The following EP300 variants were observed in gnomAD, a reference collection of about 807,000 sequenced individuals.
The protein encoded by EP300 is EP300 lysine acetyltransferase, also known as histone acetyltransferase p300.
In EP300, 31 loss-of-function variants were observed where a neutral mutation model predicts 264.0. The ratio of observed to expected loss-of-function variants is 0.12; its 90% CI spans 0.09 to 0.16. The LOEUF (loss-of-function observed/expected upper bound fraction) is 0.16. Ranked by LOEUF, EP300 falls within the 10% of genes least tolerant of loss-of-function variation. The pLI, the probability that EP300 is intolerant of heterozygous loss-of-function variation, is 1.00. For synonymous variants in EP300, 1,340 were observed against 1,045.4 expected, an observed-to-expected ratio of 1.28 and a Z score of -5.44; for missense variants, 2,766 against 3,052.9, an observed-to-expected ratio of 0.91 and a Z score of 2.21.
intron 6 of EP300, among the ~76,000 whole-genome samples, chr22:41,133,528 C>T (rs1477917654): frequency 2.0e-5 from 3 of 152,168 alleles, no homozygotes; most frequent in South Asian, 2.1e-4. Flanking sequence ...AGATTTTTTT[C>T]GGAGTTTGGA....
At chr22:41,153,446 T>G (rs538405593) in intron 16 of EP300, among the ~76,000 whole-genome samples, 2 of 152,294 alleles carry the variant, frequency 1.3e-5, no homozygotes, top group Admixed American at 1.3e-4. Flanking sequence ...ACAAACCCAG[T>G]CTTACTATTG....
Position 41,178,025 on chromosome 22 carries a change from G to T in EP300, c.6314G>T (p.Gly2105Val), listed in dbSNP as rs1001115554. ...CCACAACCCATCCCTGGGCAGCCTG[G>T]CATGCCCCAGGGGCAGCCAGGGCTA... is the stretch of plus-strand genomic sequence containing the variant. ...SNPQPIPGQP[G>V]MPQGQPGLQP... Residue 2105 changes from glycine (G) to valine (V), a missense_variant, in exon 31 of 31, where the codon GGC becomes GTC. By Grantham distance (109) the Gly-to-Val change is moderately radical (BLOSUM62 -3). Coordinates refer to ENST00000263253, the MANE Select transcript of EP300 (RefSeq NM_001429.4). The T allele has an allele frequency of 1.2e-6, 2 of 1,614,048 alleles. No individual in the cohort carries two copies. Among genetic ancestry groups the T allele is most frequent in the Non-Finnish European group, 1.7e-6 (2 of 1,179,976 alleles).
rs1332117595 is a variant in EP300, at chr22:41,141,206, A to G, written c.2037A>G (p.Gln679=). Residue 679 remains glutamine (Q), a synonymous_variant, in exon 10 of 31, where the codon CAA becomes CAG. Transcript: ENST00000263253. ...MNPGPNMGQP[Q]PGMTSNGPLP... Reference sequence around the variant, plus strand: ...CAGGGCCTAACATGGGACAGCCGCAACCAGGAATGACTTCTAGTAAGTGGT... The same window carrying G: ...CAGGGCCTAACATGGGACAGCCGCAGCCAGGAATGACTTCTAGTAAGTGGT... 6.2e-7 allele frequency: 1 copy of G among 1,614,160 alleles called. No individual in the cohort carries two copies. The highest frequency in any genetic ancestry group is 1.1e-5 in the South Asian group (1 of 91,074).
rs369351115 is a variant in EP300 at position 41,127,858 on chromosome 22, TGTG to T, written c.1168+114_1168+116del. Reference sequence around the variant, plus strand: ...TGATGGATATGTTTAATACCTTAATTGTGGTGATGGTGTCTGTATGTACAAAGT... The same window carrying T: ...TGATGGATATGTTTAATACCTTAATTGTGATGGTGTCTGTATGTACAAAGT... On this transcript the variant is annotated intron_variant, in intron 4 of 30. Coordinates refer to ENST00000263253, the MANE Select transcript of EP300 (RefSeq NM_001429.4). The T allele has an allele frequency of 2.1e-3, 2,849 of 1,378,360 alleles. 68 individuals carry two copies. The South Asian group carries it at 0.033, about 16-fold the overall frequency. 85.4% of individuals were successfully genotyped at this position (1,378,360 alleles called of 1,614,324 possible). A position where few individuals can be genotyped will look rare whatever the true frequency, so the allele number is the denominator to read the frequency against.
intron 14 of EP300, among the ~76,000 whole-genome samples, chr22:41,150,446 G>A (rs1394381050): frequency 2.0e-5 from 3 of 152,142 alleles, no homozygotes; most frequent in South Asian, 2.1e-4. Flanking sequence ...TGTACCCTGA[G>A]GTCTGAAGGT....
Position 41,151,846 on chromosome 22 carries a change from C to G in EP300, c.2831C>G (p.Ala944Gly). ...PQPATPLSQP[A>G]VSIEGQVSNP... Reference sequence around the variant, plus strand: ...TTTTCTGCCCAGCTTTCCCAGCCAGCTGTAAGCATTGAAGGACAGGTATCA... The same window carrying G: ...TTTTCTGCCCAGCTTTCCCAGCCAGGTGTAAGCATTGAAGGACAGGTATCA... The change falls in exon 15 of 31, where the codon GCT becomes GGT. Residue 944 changes from alanine to glycine, a missense_variant. Physicochemically the swap from Ala to Gly is moderately conservative, Grantham distance 60. Transcript: ENST00000263253. 1.2e-6 allele frequency: 2 copies of G among 1,614,116 alleles called. No homozygotes were observed. Among genetic ancestry groups the G allele is most frequent in the Non-Finnish European group, 1.7e-6 (2 of 1,180,016 alleles).
chr22:41,141,147 A>G lies in EP300; in HGVS notation c.1978A>G (p.Asn660Asp). 1 of 1,614,206 alleles carries G rather than the reference A, an allele frequency of 6.2e-7. No homozygotes were observed. The highest frequency in any genetic ancestry group is 8.5e-7 in the Non-Finnish European group (1 of 1,180,028). The part of the protein sequence containing the change: ...TRLQKQNMLP[N>D]AAGMVPVSMN... ...ACTACAGAAGCAGAACATGCTACCAAATGCTGCAGGCATGGTTCCAGTTTC... is the reference window on the plus strand; with the variant it reads ...ACTACAGAAGCAGAACATGCTACCAGATGCTGCAGGCATGGTTCCAGTTTC... Residue 660 changes from asparagine (N) to aspartate (D), a missense_variant, in exon 10 of 31, where the codon AAT becomes GAT. Transcript: ENST00000263253.
At chr22:41,171,077 A>G (rs1255556527) in intron 27 of EP300, among the ~76,000 whole-genome samples, 1 of 152,010 alleles carries the variant, frequency 6.6e-6, no homozygotes, top group Non-Finnish European at 1.5e-5. Context: ...CAATATAAGA[A>G]AAACCAGGTT....
chr22:41,159,939 G>C (rs1195876145), intron 19 of EP300: 1 of 150,746 alleles, frequency 6.6e-6, no homozygotes, highest in Non-Finnish European at 1.5e-5. Flanking sequence ...CTTCCAAAGT[G>C]CTAGGATTAT....
Position 41,164,212 on chromosome 22 carries a change from G to A in EP300, c.3806+82G>A, listed in dbSNP as rs142592588. 4.5e-5 allele frequency: 54 copies of A among 1,201,126 alleles called. No individual in the cohort carries two copies. In the East Asian group the frequency reaches 9.3e-4, roughly 21 times the overall value. 74.4% of individuals were successfully genotyped at this position (1,201,126 alleles called of 1,614,324 possible). A position where few individuals can be genotyped will look rare whatever the true frequency, so the allele number is the denominator to read the frequency against. ...AGTTTTTTATTCTATGCAATTGACT[G>A]TATTATATCTTCAAAGTTACTATCT... is the stretch of plus-strand genomic sequence containing the variant. On this transcript the variant is annotated intron_variant, in intron 22 of 30. Coordinates refer to ENST00000263253, the MANE Select transcript of EP300 (RefSeq NM_001429.4).
Position 41,179,003 on chromosome 22 carries a change from CAA to C in EP300, c.*48_*49del, listed in dbSNP as rs1277373696. ...GAGCAAAAAAATTATTTTCTCTTAA[CAA>C]GACTTTTTGTACTGAAAACAATTTT... On this transcript the variant is annotated 3_prime_UTR_variant, in exon 31 of 31. Coordinates refer to ENST00000263253, the MANE Select transcript of EP300 (RefSeq NM_001429.4). 5.6e-6 allele frequency: 9 copies of C among 1,604,400 alleles called. No homozygotes were observed. The highest frequency in any genetic ancestry group is 3.4e-5 in the Admixed American group (2 of 59,402).
intron 6 of EP300, 27 bp from the exon 7 acceptor site, chr22:41,135,786 G>C: frequency 1.4e-5 from 21 of 1,506,498 alleles, no homozygotes; most frequent in Non-Finnish European, 1.8e-5. Context: ...ATTTATTTCT[G>C]TCTCCTGTTA....
At chr22:41,098,962 G>C (rs1378403204) in intron 1 of EP300, among the ~76,000 whole-genome samples, 1 of 152,168 alleles carries the variant, frequency 6.6e-6, no homozygotes, top group Non-Finnish European at 1.5e-5. Context: ...CAGATGCTTA[G>C]GACTATGCTT....
At position 41,168,852 on chromosome 22, in the gene EP300, C is replaced by G. The variant is rs1419832020; in HGVS notation, c.4157C>G (p.Pro1386Arg). ...MHVQEYGSDCPPPNQRRVYIS... is the reference protein window; with the variant it reads ...MHVQEYGSDCRPPNQRRVYIS... ...GTTCAAGAGTATGGCTCTGACTGCC[C>G]TCCACCCAACCAGAGGTATGACTAG... The change falls in exon 25 of 31, where the codon CCT becomes CGT. Residue 1386 changes from proline to arginine, a missense_variant. Pro to Arg is a moderately radical substitution (Grantham distance 103). Coordinates refer to ENST00000263253, the MANE Select transcript of EP300 (RefSeq NM_001429.4). The G allele has an allele frequency of 6.2e-7, 1 of 1,614,108 alleles. No homozygotes were observed. Among genetic ancestry groups the G allele is most frequent in the Non-Finnish European group, 8.5e-7 (1 of 1,180,058 alleles).
intron 12 of EP300, 134 bp from the exon 13 acceptor site, chr22:41,148,904 C>T: frequency 1.7e-6 from 2 of 1,177,432 alleles, no homozygotes; most frequent in Non-Finnish European, 2.4e-6. Flanking sequence ...CTCTTCAGCC[C>T]TCTTCACCTA....
At chr22:41,164,725 G>A (rs574822846) in intron 22 of EP300, among the ~76,000 whole-genome samples, 1 of 152,148 alleles carries the variant, frequency 6.6e-6, no homozygotes, top group African/African-American at 2.4e-5. Flanking sequence ...AAAGAAAAAA[G>A]TAAATGCTTT....
At chr22:41,175,976 C>T (rs1338646085) in intron 29 of EP300, 2 of 485,128 alleles carry the variant, frequency 4.1e-6, no homozygotes, top group Non-Finnish European at 7.6e-6. Context: ...TCCCAGCACT[C>T]TGGGAGGCTG....
At chr22:41,171,135 AATTTT>A (rs1350962530) in intron 27 of EP300, among the ~76,000 whole-genome samples, 9 of 150,548 alleles carry the variant, frequency 6.0e-5, no homozygotes, top group East Asian at 2.0e-4. Context: ...ATGTAACCAA[AATTTT>A]ATTTTATTTA....
At chr22:41,102,615 T>G (rs1450143149) in intron 1 of EP300, among the ~76,000 whole-genome samples, 1 of 151,776 alleles carries the variant, frequency 6.6e-6, no homozygotes, top group African/African-American at 2.4e-5. Flanking sequence ...GGCAGTTAAG[T>G]AAAAGGAGGA....
Sources: gnomAD v4.1 joint callset for allele counts (sites outside exome capture counted in the v4.1 genomes callset) on GRCh38, gnomAD v4.1.1 for gene constraint, MANE v1.5 for transcripts, NCBI Gene and HGNC (gene_info 2026-07-23, HGNC 2026-07-21) for gene names.